Variants in EMG1 observed in about 807,000 individuals in gnomAD.
The protein encoded by EMG1 is ribosomal RNA small subunit methyltransferase NEP1.
Under a neutral mutation model 26.9 loss-of-function variants are expected in EMG1, and 24 were observed. The ratio of observed to expected loss-of-function variants is 0.89; its 90% CI spans 0.65 to 1.26. The LOEUF is 1.26. EMG1 is among the 50% of genes most tolerant of loss of function. The pLI is 0.00. For missense variants in EMG1, 299 were observed against 307.6 expected (o/e 0.97, Z 0.21); for synonymous variants, 140 against 112.6 (o/e 1.24, Z -1.54).
rs782041541 is a variant in EMG1, at chr12:6,978,221, CAG to C, written c.*2413_*2414del. Reference sequence around the variant, plus strand: ...TGGGGGTCAAAGTCAGTGTGAGCGACAGGGGGTTCTGCCCAGATGGGAAAGAC... The same window carrying C: ...TGGGGGTCAAAGTCAGTGTGAGCGACGGGGTTCTGCCCAGATGGGAAAGAC... On this transcript the variant is annotated 3_prime_UTR_variant, in exon 6 of 6. Transcript: ENST00000599672. 170 of 1,200,516 alleles carry C rather than the reference CAG, an allele frequency of 1.4e-4. No individual in the cohort carries two copies. Among genetic ancestry groups the C allele is most frequent in the Non-Finnish European group, 1.7e-4 (144 of 855,066 alleles). The allele number at this position is 1,200,516 out of a possible 1,614,324, so 74.4% of individuals were successfully genotyped here.
intron 6 of EMG1, among the ~76,000 whole-genome samples, chr12:6,985,583 C>T (rs1227245661): frequency 6.7e-6 from 1 of 150,272 alleles, no homozygotes; most frequent in East Asian, 2.0e-4. Context: ...GGTGTGGTGG[C>T]GGGTGCCTGT....
At chr12:6,995,710 C>T (rs912339249) in intron 7 of EMG1, among the ~76,000 whole-genome samples, 6 of 151,978 alleles carry the variant, frequency 3.9e-5, no homozygotes, top group South Asian at 2.1e-4. Context: ...AGTCCTATAC[C>T]GGGGTAATCT....
chr12:6,997,379 A>ATGTGTGTGTGTGTGTGTGTGTGTGTG, exon 8 of EMG1: 1 of 114,046 alleles, frequency 8.8e-6, no homozygotes, highest in Non-Finnish European at 1.8e-5. Context: ...ACAGCAAATT[A>ATGTGTGTGTGTGTGTGTGTGTGTGTG]TGTGTGTGTG....
In EMG1 at chr12:6,971,004, C is replaced by T. The variant is rs2138313883; in HGVS notation, c.81C>T (p.Pro27=). ...CACAGGACTGGGATGCTCTGCCACCCAAGCGGCCCCGACTAGGGGCAGGAA... is the reference window on the plus strand; with the variant it reads ...CACAGGACTGGGATGCTCTGCCACCTAAGCGGCCCCGACTAGGGGCAGGAA... ...EQAQDWDALP[P]KRPRLGAGNK... Residue 27 remains proline, a synonymous_variant, in exon 1 of 6, where the codon CCC becomes CCT. Transcript: ENST00000599672. 2 of 1,611,752 alleles carry T rather than the reference C, an allele frequency of 1.2e-6. No homozygotes were observed. Among genetic ancestry groups the T allele is most frequent in the East Asian group, 2.2e-5 (1 of 44,826 alleles).
At chr12:6,984,512 A>T (rs1308337686), downstream of EMG1, among the ~76,000 whole-genome samples, 2 of 152,210 alleles carry the variant, frequency 1.3e-5, no homozygotes, top group Non-Finnish European at 2.9e-5. Context: ...CTTTTTGGAA[A>T]GACATTCTGC....
chr12:6,981,520 TCA>T (rs1277506314), downstream of EMG1: 4 of 1,470,764 alleles, frequency 2.7e-6, no homozygotes, highest in African/African-American at 2.8e-5. Context: ...GAATTTGGGT[TCA>T]GTCTTTTGTT....
In EMG1 at chr12:6,979,761, G is replaced by A. The variant is rs1946450311; in HGVS notation, c.*3952G>A. The A allele has an allele frequency of 3.3e-6, 2 of 606,444 alleles. No individual in the cohort carries two copies. The highest frequency in any genetic ancestry group is 5.9e-6 in the Non-Finnish European group (2 of 339,730). 37.6% of individuals were successfully genotyped at this position (606,444 alleles called of 1,614,324 possible). A position where few individuals can be genotyped will look rare whatever the true frequency, so the allele number is the denominator to read the frequency against. ...AAAGATTTCTATGGCTGGCTATGAG[G>A]AATGGGGACTGCAAACCTCTTAAGA... On this transcript the variant is annotated 3_prime_UTR_variant, in exon 6 of 6. Transcript: ENST00000599672.
chr12:6,982,960 G>C (rs962918158), downstream of EMG1: 4 of 669,366 alleles, frequency 6.0e-6, no homozygotes, highest in Non-Finnish European at 1.1e-5. Context: ...AGATTATTAG[G>C]GTGTTATTTT....
downstream of EMG1, chr12:6,983,565 G>A: frequency 7.0e-7 from 1 of 1,425,686 alleles, no homozygotes; most frequent in Non-Finnish European, 9.9e-7. Flanking sequence ...GATAAGAAGA[G>A]TGTTATTTGT....
chr12:6,978,708 A>G lies in EMG1; in HGVS notation c.*2899A>G. 1 of 1,613,810 alleles carries G rather than the reference A, an allele frequency of 6.2e-7. No homozygotes were observed. The highest frequency in any genetic ancestry group is 8.5e-7 in the Non-Finnish European group (1 of 1,179,870). ...GGTGGTTCTTGAGGGAAGAAAGCAC[A>G]GTGCATTAGGGATATCACATGACTA... On this transcript the variant is annotated 3_prime_UTR_variant, in exon 6 of 6. Transcript: ENST00000599672.
downstream of EMG1, among the ~76,000 whole-genome samples, chr12:6,983,976 C>G (rs1337590893): frequency 1.3e-5 from 2 of 152,128 alleles, no homozygotes; most frequent in Non-Finnish European, 2.9e-5. Flanking sequence ...AACCCCGTCT[C>G]TATTAAAAAA....
downstream of EMG1, among the ~76,000 whole-genome samples, chr12:6,990,393 C>T (rs1946576485): frequency 6.7e-6 from 1 of 149,042 alleles, no homozygotes; most frequent in Non-Finnish European, 1.5e-5. Flanking sequence ...CCTGTAGCCC[C>T]AGCTACTCGG....
chr12:6,978,171 G>T lies in EMG1; in HGVS notation c.*2362G>T, dbSNP rs781853439. 14 of 760,850 alleles carry T rather than the reference G, an allele frequency of 1.8e-5. No homozygotes were observed. Among genetic ancestry groups the T allele is most frequent in the Non-Finnish European group, 3.0e-5 (14 of 470,504 alleles). The allele number at this position is 760,850 out of a possible 1,614,324, so 47.1% of individuals were successfully genotyped here. A position where few individuals can be genotyped will look rare whatever the true frequency, so the allele number is the denominator to read the frequency against. ...CCTTTTTTTCAAATATGACAGTAAT[G>T]GTTTTTTTGGGAGGGGGGTATAGGT... On this transcript the variant is annotated 3_prime_UTR_variant, in exon 6 of 6. Transcript: ENST00000599672.
chr12:6,979,087 C>T lies in EMG1; in HGVS notation c.*3278C>T, dbSNP rs1565597060. 6.7e-6 allele frequency: 2 copies of T among 296,690 alleles called. No homozygotes were observed. The highest frequency in any genetic ancestry group is 6.3e-6 in the Non-Finnish European group (1 of 158,800). 18.4% of individuals were successfully genotyped at this position (296,690 alleles called of 1,614,324 possible). On this transcript the variant is annotated 3_prime_UTR_variant, in exon 6 of 6. Transcript: ENST00000599672. ...TCAGCTGGGCAGGAGCAAAAGCCAG[C>T]ACTTCCCCCCTTCCCTTGGTTTCTG...
rs751856947 is a variant in EMG1 at position 6,979,592 on chromosome 12, G to C, written c.*3783G>C. ...AGCAGGAATGATGCTGGAAAGGAACGAGTGAAGTTCCTGGTCACAGAGAGC... is the reference window on the plus strand; with the variant it reads ...AGCAGGAATGATGCTGGAAAGGAACCAGTGAAGTTCCTGGTCACAGAGAGC... On this transcript the variant is annotated 3_prime_UTR_variant, in exon 6 of 6. Coordinates refer to ENST00000599672, the MANE Select transcript of EMG1 (RefSeq NM_006331.8). The C allele has an allele frequency of 6.4e-7, 1 of 1,555,068 alleles. No individual in the cohort carries two copies. The highest frequency in any genetic ancestry group is 1.4e-5 in the African/African-American group (1 of 73,840).
At chr12:6,983,507 G>T (rs2138334895), downstream of EMG1, 6 of 1,612,236 alleles carry the variant, frequency 3.7e-6, no homozygotes, top group Non-Finnish European at 4.2e-6. Flanking sequence ...TTGTAGAAAA[G>T]GTAATGCCGA....
Position 6,977,863 on chromosome 12 carries a change from GCC to G in EMG1, c.*2058_*2059del. The G allele has an allele frequency of 8.4e-7, 1 of 1,187,986 alleles. No homozygotes were observed. 73.6% of individuals were successfully genotyped at this position (1,187,986 alleles called of 1,614,324 possible). On this transcript the variant is annotated 3_prime_UTR_variant, in exon 6 of 6. Transcript: ENST00000599672. This position sits in a 1 kb window ranked among gnomAD's most constrained non-coding sequence, Gnocchi z 4.5. ...GAGTGCTGGTGGGTTCCCACGTGTA[GCC>G]CCCAGAGGGTACAGGAGGCAGTGCT... is the stretch of plus-strand genomic sequence containing the variant.
chr12:6,992,880 C>T (rs184154952), downstream of EMG1, among the ~76,000 whole-genome samples: 52 of 152,326 alleles, frequency 3.4e-4, no homozygotes, highest in African/African-American at 1.2e-3. Context: ...AACCTATGCA[C>T]ATCTTCACAT....
downstream of EMG1, among the ~76,000 whole-genome samples, chr12:6,992,350 C>T (rs1946597632): frequency 6.6e-6 from 1 of 151,728 alleles, no homozygotes; most frequent in Non-Finnish European, 1.5e-5. Flanking sequence ...AAAAAATTTA[C>T]CACTTCATCA....
Sources: allele counts gnomAD v4.1 joint callset (sites outside exome capture counted in the v4.1 genomes callset), GRCh38; gene constraint gnomAD v4.1.1; non-coding constraint Gnocchi (gnomAD v3.1); transcripts MANE v1.5; gene names NCBI Gene and HGNC (gene_info 2026-07-23, HGNC 2026-07-21).